Variants in MYO5B observed in about 807,000 individuals in gnomAD.
MYO5B encodes the protein myosin VB.
Under a neutral mutation model 229.3 loss-of-function variants are expected in MYO5B, and 143 were observed. The ratio of observed to expected loss-of-function variants is 0.62; its 90% CI spans 0.54 to 0.72. MYO5B has a LOEUF of 0.72. Among genes scored for constraint, MYO5B ranks in the 30% least tolerant of loss-of-function variants. The pLI, the probability that MYO5B is intolerant of heterozygous loss-of-function variation, is 0.00. For synonymous variants in MYO5B, 918 were observed against 885.2 expected, an observed-to-expected ratio of 1.04 and a Z score of -0.66; for missense variants, 2,321 against 2,331.0, an observed-to-expected ratio of 1.00 and a Z score of 0.09.
intron 1 of MYO5B, among the ~76,000 whole-genome samples, chr18:50,106,974 G>A (rs577320938): frequency 2.0e-5 from 3 of 152,266 alleles, no homozygotes; most frequent in Non-Finnish European, 4.4e-5. Context: ...GGTGCAAAGG[G>A]AGGAGAACAT....
intron 1 of MYO5B, among the ~76,000 whole-genome samples, chr18:50,084,960 C>A (rs1268022695): frequency 6.6e-6 from 1 of 152,040 alleles, no homozygotes; most frequent in Non-Finnish European, 1.5e-5. Context: ...CCATAAAAAC[C>A]CTAGAAGAAA....
intron 22 of MYO5B, among the ~76,000 whole-genome samples, chr18:49,893,815 T>C (rs1466774801): frequency 6.6e-6 from 1 of 152,130 alleles, no homozygotes; most frequent in Non-Finnish European, 1.5e-5. Flanking sequence ...CCTCCACGGA[T>C]GTCTGTGTGT....
chr18:49,929,450 G>T, intron 17 of MYO5B, 62 bp downstream of exon 17: 7 of 1,419,048 alleles, frequency 4.9e-6, no homozygotes, highest in Non-Finnish European at 6.8e-6. Flanking sequence ...GGCTCCCTGG[G>T]GAACCAAACT....
At chr18:50,021,718 T>TAAAA (rs34172106) in intron 4 of MYO5B, among the ~76,000 whole-genome samples, 5,815 of 119,400 alleles carry the variant, frequency 0.049, 232 homozygotes, top group Non-Finnish European at 0.055. Context: ...CCCATCTGCG[T>TAAAA]AAAAAAAAAA....
chr18:50,039,267 T>A (rs563874974), intron 3 of MYO5B, among the ~76,000 whole-genome samples: 2 of 152,306 alleles, frequency 1.3e-5, no homozygotes, highest in African/African-American at 4.8e-5. Flanking sequence ...GCAATACTCT[T>A]TAAAAAGAGA....
At chr18:50,039,613 G>A (rs1199654343) in intron 3 of MYO5B, among the ~76,000 whole-genome samples, 1 of 152,184 alleles carries the variant, frequency 6.6e-6, no homozygotes, top group African/African-American at 2.4e-5. Context: ...TTACAGGCGT[G>A]AGCCACTGCG....
At chr18:50,061,356 G>A (rs776260436) in intron 1 of MYO5B, among the ~76,000 whole-genome samples, 2 of 152,158 alleles carry the variant, frequency 1.3e-5, no homozygotes, top group African/African-American at 2.4e-5. Flanking sequence ...ATTAGGCAAT[G>A]ATGATGATGA....
At chr18:50,031,917 G>C (rs966092622) in intron 4 of MYO5B, among the ~76,000 whole-genome samples, 25 of 152,158 alleles carry the variant, frequency 1.6e-4, no homozygotes, top group Admixed American at 4.6e-4. Context: ...AACTCAGAAG[G>C]CGTGTCAACA....
intron 1 of MYO5B, among the ~76,000 whole-genome samples, chr18:50,070,504 TG>T (rs1222722416): frequency 6.6e-6 from 1 of 151,840 alleles, no homozygotes; most frequent in Non-Finnish European, 1.5e-5. Context: ...AGGGTCCTAC[TG>T]GCATCTAGTA....
rs150677965 is a variant in MYO5B, at chr18:50,153,290, T to A, written c.27+41477A>T. Among the ~76,000 whole-genome samples the A allele has an allele frequency of 2.0e-3, 307 of 152,274 alleles. 1 individual carries two copies. Among genetic ancestry groups the A allele is most frequent in the Non-Finnish European group, 3.9e-3 (265 of 68,030 alleles). ...GCATAAGACTTCAGTGCTCCAAGTG[T>A]TAACTTCAAAATAGTGACTTTCAAG... On this transcript the variant is annotated intron_variant, in intron 1 of 39. Transcript: ENST00000285039.
At chr18:49,936,800 G>A (rs769763757) in intron 15 of MYO5B, among the ~76,000 whole-genome samples, 2 of 152,144 alleles carry the variant, frequency 1.3e-5, no homozygotes, top group African/African-American at 4.8e-5. Flanking sequence ...GTTAGGTGGT[G>A]GCTGCCAGGG....
At position 49,864,338 on chromosome 18, in the gene MYO5B, G is replaced by A; in HGVS notation, c.3646C>T (p.Leu1216=). Residue 1216 remains leucine (L), a synonymous_variant, in exon 28 of 40, where the codon CTG becomes TTG. Transcript: ENST00000285039. ...GCCACGGCTTTCCTCAGCTCATTCA[G>A]GTCATTCTTCAGCTTTTTGTTCTCT... The part of the protein sequence containing the change: ...ESENKKLKND[L]NELRKAVADQ... 6.2e-7 allele frequency: 1 copy of A among 1,614,024 alleles called. No homozygotes were observed. Among genetic ancestry groups the A allele is most frequent in the Non-Finnish European group, 8.5e-7 (1 of 1,180,048 alleles).
At chr18:49,994,308 A>G (rs1389722459) in intron 5 of MYO5B, among the ~76,000 whole-genome samples, 1 of 152,206 alleles carries the variant, frequency 6.6e-6, no homozygotes, top group Non-Finnish European at 1.5e-5. Flanking sequence ...GCACTCAAAA[A>G]TATTTAAGTG....
intron 1 of MYO5B, among the ~76,000 whole-genome samples, chr18:50,070,138 C>T (rs2030920336): frequency 6.6e-6 from 1 of 150,982 alleles, no homozygotes; most frequent in Non-Finnish European, 1.5e-5. Context: ...TCTCCTGCCT[C>T]AGCCTCCCTA....
chr18:50,062,878 C>A (rs150486247), intron 1 of MYO5B, among the ~76,000 whole-genome samples: 2 of 152,110 alleles, frequency 1.3e-5, no homozygotes, highest in Non-Finnish European at 2.9e-5. Context: ...CTGGTCCCCA[C>A]TCCCATCATC....
intron 39 of MYO5B, among the ~76,000 whole-genome samples, chr18:49,828,183 A>G (rs1001765537): frequency 1.3e-5 from 2 of 152,240 alleles, no homozygotes; most frequent in Non-Finnish European, 2.9e-5. Context: ...GGTATCCTCA[A>G]ATAAGATTAA....
chr18:50,067,505 T>C (rs1387336133), intron 1 of MYO5B, among the ~76,000 whole-genome samples: 3 of 152,308 alleles, frequency 2.0e-5, no homozygotes, highest in Non-Finnish European at 2.9e-5. Flanking sequence ...CATGTTGAAA[T>C]TCAATCCCCA....
chr18:49,956,151 A>AC (rs796229371), intron 12 of MYO5B, among the ~76,000 whole-genome samples: 7 of 152,244 alleles, frequency 4.6e-5, no homozygotes, highest in African/African-American at 1.4e-4. Flanking sequence ...TGTCCACCCC[A>AC]CCTCCAACCA....
chr18:50,008,064 ATC>A (rs1323040073), intron 4 of MYO5B, among the ~76,000 whole-genome samples: 1 of 152,154 alleles, frequency 6.6e-6, no homozygotes. Context: ...ATACTCCTGT[ATC>A]TCTGTATTAC....
Sources: allele counts gnomAD v4.1 joint callset (sites outside exome capture counted in the v4.1 genomes callset), GRCh38; gene constraint gnomAD v4.1.1; transcripts MANE v1.5; gene names NCBI Gene and HGNC (gene_info 2026-07-23, HGNC 2026-07-21).